The following MPPED2 variants were observed in gnomAD, a reference collection of about 807,000 sequenced individuals.
MPPED2 encodes metallophosphoesterase domain containing 2, also known as metallophosphoesterase MPPED2.
A neutral mutation model predicts 33.0 loss-of-function variants in MPPED2; 5 were observed. The observed-to-expected ratio is 0.15, with a 90% CI of 0.08 to 0.32. MPPED2 has a LOEUF of 0.32. MPPED2 is among the 10% of genes least tolerant of loss of function. MPPED2 has a pLI of 1.00. For synonymous variants in MPPED2, 136 were observed against 141.9 expected (o/e 0.96, Z 0.29); for missense variants, 275 against 372.1 (o/e 0.74, Z 2.15).
At chr11:30,570,159 A>G (rs1956629159) in intron 2 of MPPED2, among the ~76,000 whole-genome samples, 2 of 152,048 alleles carry the variant, frequency 1.3e-5, no homozygotes, top group African/African-American at 2.4e-5. Flanking sequence ...ATCTCTCACA[A>G]TTCTGGAGAT....
intron 1 of MPPED2, among the ~76,000 whole-genome samples, chr11:30,581,534 T>A (rs964547437): frequency 3.9e-5 from 6 of 152,204 alleles, no homozygotes; most frequent in African/African-American, 1.4e-4. Flanking sequence ...TTACTTTAAG[T>A]GCACAACGTC....
chr11:30,417,949 G>T (rs1948449121), intron 4 of MPPED2, among the ~76,000 whole-genome samples: 1 of 152,066 alleles, frequency 6.6e-6, no homozygotes, highest in African/African-American at 2.4e-5. Context: ...AAGATACCCA[G>T]CCCCGATCCA....
intron 4 of MPPED2, among the ~76,000 whole-genome samples, chr11:30,444,819 T>G (rs1949732774): frequency 6.6e-6 from 1 of 152,194 alleles, no homozygotes; most frequent in Admixed American, 6.5e-5. Context: ...AGCATTATTA[T>G]CTTAAATCCC....
At chr11:30,396,985 C>T (rs199709049) in intron 6 of MPPED2, among the ~76,000 whole-genome samples, 2 of 152,088 alleles carry the variant, frequency 1.3e-5, no homozygotes, top group East Asian at 3.8e-4. Flanking sequence ...TATGTCACCC[C>T]TAATTTTTGT....
At chr11:30,417,441 A>G (rs1409627477) in intron 5 of MPPED2, 77 bp downstream of exon 5, 1 of 620,700 alleles carries the variant, frequency 1.6e-6, no homozygotes, top group Non-Finnish European at 2.7e-6. Context: ...GAAAATGATT[A>G]TGTCCCTGAA....
At chr11:30,476,755 C>T (rs1164793942) in intron 4 of MPPED2, among the ~76,000 whole-genome samples, 1 of 151,936 alleles carries the variant, frequency 6.6e-6, no homozygotes, top group Non-Finnish European at 1.5e-5. Flanking sequence ...TTACAATCAG[C>T]TTGTTTATTT....
chr11:30,398,510 A>G (rs1947865822), intron 6 of MPPED2, among the ~76,000 whole-genome samples: 1 of 152,128 alleles, frequency 6.6e-6, no homozygotes, highest in Non-Finnish European at 1.5e-5. Context: ...ATGATTTTTT[A>G]CTAAGAATCA....
At chr11:30,435,088 G>A (rs1276049707) in intron 4 of MPPED2, among the ~76,000 whole-genome samples, 1 of 152,198 alleles carries the variant, frequency 6.6e-6, no homozygotes, top group Admixed American at 6.5e-5. Context: ...TAGTTTGCGA[G>A]TGCATTCCTA....
At chr11:30,411,627 A>G (rs2133731251) in intron 6 of MPPED2, 41 bp from the exon 7 acceptor site, 1 of 1,548,224 alleles carries the variant, frequency 6.5e-7, no homozygotes, top group South Asian at 1.2e-5. Flanking sequence ...ATATATACAA[A>G]TGAGAGTGAT....
intron 2 of MPPED2, among the ~76,000 whole-genome samples, chr11:30,540,795 T>A (rs1015700970): frequency 1.3e-5 from 2 of 152,174 alleles, no homozygotes; most frequent in African/African-American, 4.8e-5. Flanking sequence ...AAGAACCCAG[T>A]CCCTTTTCCA....
chr11:30,514,268 C>T (rs1047610688), intron 3 of MPPED2, among the ~76,000 whole-genome samples: 10 of 152,198 alleles, frequency 6.6e-5, no homozygotes. Flanking sequence ...GAAGAAAAGT[C>T]TGTGGATGGG....
intron 6 of MPPED2, among the ~76,000 whole-genome samples, chr11:30,403,670 A>G (rs1947945951): frequency 6.6e-6 from 1 of 152,202 alleles, no homozygotes; most frequent in Admixed American, 6.5e-5. Flanking sequence ...CCATCGTCTA[A>G]TGAAACAAAA....
At chr11:30,454,920 T>C (rs1170656097) in intron 4 of MPPED2, among the ~76,000 whole-genome samples, 1 of 152,196 alleles carries the variant, frequency 6.6e-6, no homozygotes, top group African/African-American at 2.4e-5. Flanking sequence ...CAGGTAGTTG[T>C]CAGTGCCAAA....
chr11:30,491,066 T>TTTGGGTTGAAATATCTG (rs914275254), intron 4 of MPPED2, among the ~76,000 whole-genome samples: 2 of 152,170 alleles, frequency 1.3e-5, no homozygotes, highest in Non-Finnish European at 2.9e-5. Context: ...TTTACATTAT[T>TTTGGGTTGAAATATCTG]TTGGGTTGAA....
intron 4 of MPPED2, among the ~76,000 whole-genome samples, chr11:30,467,427 CA>C (rs1950754980): frequency 1.3e-5 from 2 of 152,294 alleles, no homozygotes; most frequent in Admixed American, 1.3e-4. Context: ...CCATCACTCC[CA>C]GCTTGGGAAG....
chr11:30,503,052 T>C (rs2134253767), intron 3 of MPPED2, among the ~76,000 whole-genome samples: 2 of 152,278 alleles, frequency 1.3e-5, no homozygotes, highest in Middle Eastern at 3.4e-3. Flanking sequence ...CATCTTGAAT[T>C]GTAGCTCCTG....
chr11:30,535,928 GACGC>G, intron 3 of MPPED2, 62 bp downstream of exon 3: 1 of 1,392,424 alleles, frequency 7.2e-7, no homozygotes, highest in Non-Finnish European at 9.7e-7. Context: ...ATTCAATTAG[GACGC>G]AGTGAGTGAC....
chr11:30,394,363 G>A (rs1325560622), intron 6 of MPPED2, among the ~76,000 whole-genome samples: 2 of 152,096 alleles, frequency 1.3e-5, no homozygotes, highest in African/African-American at 2.4e-5. Context: ...GTTCCAGGAG[G>A]CTCTACCATT....
rs512646 is a variant in MPPED2 at position 30,423,818 on chromosome 11, A to C, written c.537-6185T>G. On this transcript the variant is annotated intron_variant, in intron 4 of 6. Transcript: ENST00000358117. ...TGTGTGTGTACATATATACATACAC[A>C]GAGAGAATTGCTCACATTATTTTTT... Among the ~76,000 whole-genome samples the C allele has an allele frequency of 6.0e-3, 918 of 152,254 alleles. 12 individuals carry two copies. The highest frequency in any genetic ancestry group is 0.021 in the African/African-American group (887 of 41,538).
Sources: gnomAD v4.1 joint callset for allele counts (sites outside exome capture counted in the v4.1 genomes callset) on GRCh38, gnomAD v4.1.1 for gene constraint, MANE v1.5 for transcripts, NCBI Gene and HGNC (gene_info 2026-07-23, HGNC 2026-07-21) for gene names.